The following FBXL17 variants were observed in gnomAD, a reference collection of about 807,000 sequenced individuals.
FBXL17 encodes F-box/LRR-repeat protein 17.
In FBXL17, 22 loss-of-function variants were observed where a neutral mutation model predicts 66.2. The observed-to-expected ratio is 0.33, with a 90% confidence interval of 0.24 to 0.47. The LOEUF is 0.47. Ranked by LOEUF, FBXL17 falls within the 20% of genes least tolerant of loss-of-function variation. The pLI, the probability that FBXL17 is intolerant of heterozygous loss-of-function variation, is 1.00. For missense variants in FBXL17, 878 were observed against 948.2 expected, an observed-to-expected ratio of 0.93 and a Z score of 0.97; for synonymous variants, 474 against 400.5, an observed-to-expected ratio of 1.18 and a Z score of -2.19.
intron 5 of FBXL17, among the ~76,000 whole-genome samples, chr5:108,222,421 A>G (rs1044091887): frequency 6.6e-6 from 1 of 152,192 alleles, no homozygotes; most frequent in Admixed American, 6.5e-5. Flanking sequence ...TAGGAAATGA[A>G]TTAAAAATTA....
chr5:108,160,163 A>G (rs914715124), intron 6 of FBXL17, among the ~76,000 whole-genome samples: 3 of 152,190 alleles, frequency 2.0e-5, no homozygotes, highest in African/African-American at 7.2e-5. Context: ...ATTTATGATG[A>G]GCCACAATGA....
intron 4 of FBXL17, among the ~76,000 whole-genome samples, chr5:108,249,323 G>C (rs1233894289): frequency 1.3e-5 from 2 of 152,010 alleles, no homozygotes; most frequent in Non-Finnish European, 2.9e-5. Flanking sequence ...AGACAAGCCA[G>C]GAATATATCT....
At chr5:108,205,599 G>C (rs1754083750) in intron 5 of FBXL17, among the ~76,000 whole-genome samples, 1 of 152,078 alleles carries the variant, frequency 6.6e-6, no homozygotes, top group Non-Finnish European at 1.5e-5. Flanking sequence ...TAGAGAAACT[G>C]GGTCATTTGC....
intron 7 of FBXL17, among the ~76,000 whole-genome samples, chr5:107,916,319 C>T (rs769685695): frequency 2.0e-5 from 3 of 152,180 alleles, no homozygotes; most frequent in Non-Finnish European, 4.4e-5. Flanking sequence ...TGGGAATGCT[C>T]TTTGTTGAGA....
rs751231341 is a variant in FBXL17 at position 108,278,176 on chromosome 5, C to T, written c.1507-53948G>A. Among the ~76,000 whole-genome samples the T allele has an allele frequency of 3.9e-5, 6 of 152,242 alleles. No homozygotes were observed. The South Asian group carries it at 6.2e-4, about 16-fold the overall frequency. On this transcript the variant is annotated intron_variant, in intron 4 of 8. Coordinates refer to ENST00000542267, the MANE Select transcript of FBXL17 (RefSeq NM_001163315.3). ...TTTCCCACAAGGGAATTATACAATC[C>T]GGGCCACCAGAGAACGCCCTGACCC...
intron 4 of FBXL17, among the ~76,000 whole-genome samples, chr5:108,259,955 T>C (rs1426621355): frequency 6.6e-6 from 1 of 151,672 alleles, no homozygotes; most frequent in Non-Finnish European, 1.5e-5. Flanking sequence ...TGTCCACTAC[T>C]GGCTTCCTCT....
intron 6 of FBXL17, among the ~76,000 whole-genome samples, chr5:108,116,665 A>T (rs6872068): frequency 0.14 from 20,832 of 151,498 alleles, 1,513 homozygotes; most frequent in Admixed American, 0.17. Context: ...TAATAATAAT[A>T]AAAAAATAAT....
intron 5 of FBXL17, among the ~76,000 whole-genome samples, chr5:108,187,599 C>T (rs1172180307): frequency 6.6e-6 from 1 of 152,124 alleles, no homozygotes; most frequent in African/African-American, 2.4e-5. Context: ...AGGAAGGGGC[C>T]AGGAGTCAAG....
At chr5:108,016,292 G>A (rs980356081) in intron 7 of FBXL17, among the ~76,000 whole-genome samples, 1 of 152,116 alleles carries the variant, frequency 6.6e-6, no homozygotes, top group African/African-American at 2.4e-5. Flanking sequence ...AGCAGTCCAC[G>A]GGTCTGTGGA....
intron 4 of FBXL17, among the ~76,000 whole-genome samples, chr5:108,333,878 TAGTG>T (rs1465641595): frequency 6.6e-6 from 1 of 152,172 alleles, no homozygotes; most frequent in Non-Finnish European, 1.5e-5. Flanking sequence ...CAAAATTACT[TAGTG>T]AGGTAACTTC....
rs1580942678 is a variant in FBXL17, at chr5:108,381,814, A to T, written c.-123T>A. ...CGGAGGGGTCGCCCTTCCTGCGCAC[A>T]CACACGCACACACGGGCACACACGC... On this transcript the variant is annotated 5_prime_UTR_variant, in exon 1 of 9. Transcript: ENST00000542267. The T allele has an allele frequency of 7.5e-7, 1 of 1,335,122 alleles. No individual in the cohort carries two copies. Among genetic ancestry groups the T allele is most frequent in the South Asian group, 1.8e-5 (1 of 54,570 alleles). The allele number at this position is 1,335,122 out of a possible 1,614,324, so 82.7% of individuals were successfully genotyped here. A position where few individuals can be genotyped will look rare whatever the true frequency, so the allele number is the denominator to read the frequency against.
At chr5:108,182,876 C>G (rs1388157264) in intron 6 of FBXL17, among the ~76,000 whole-genome samples, 1 of 152,046 alleles carries the variant, frequency 6.6e-6, no homozygotes, top group Non-Finnish European at 1.5e-5. Flanking sequence ...TGATACAAAC[C>G]TAAGCAAAAT....
chr5:107,914,227 A>G (rs1015763889), intron 7 of FBXL17, among the ~76,000 whole-genome samples: 5 of 152,138 alleles, frequency 3.3e-5, no homozygotes, highest in Non-Finnish European at 7.4e-5. Flanking sequence ...GGGTTACTAG[A>G]GTCATGGGGG....
chr5:108,181,741 A>G (rs550038664), intron 6 of FBXL17, among the ~76,000 whole-genome samples: 21 of 152,294 alleles, frequency 1.4e-4, no homozygotes, highest in South Asian at 4.1e-4. Context: ...TTAATATCTA[A>G]AAGTTCCATT....
chr5:108,230,502 T>C lies in FBXL17; in HGVS notation c.1507-6274A>G, dbSNP rs1388861458. 3.9e-5 allele frequency among the ~76,000 whole-genome samples: 6 copies of C among 152,236 alleles called. 1 individual carries two copies. In the East Asian group the frequency reaches 1.2e-3, roughly 29 times the overall value. ...AACAAACATCATATGTTCTCACTCA[T>C]AAGTGGGAGCTAAGCTATGAGGATG... On this transcript the variant is annotated intron_variant, in intron 4 of 8. Transcript: ENST00000542267.
At chr5:107,956,082 C>A (rs1002074771) in intron 7 of FBXL17, among the ~76,000 whole-genome samples, 1 of 152,110 alleles carries the variant, frequency 6.6e-6, no homozygotes, top group Non-Finnish European at 1.5e-5. Flanking sequence ...ATAAAACCAT[C>A]AAAAACATAA....
intron 7 of FBXL17, among the ~76,000 whole-genome samples, chr5:107,894,898 T>A (rs1749322748): frequency 6.6e-6 from 1 of 152,122 alleles, no homozygotes; most frequent in South Asian, 2.1e-4. Flanking sequence ...TTATGAAACC[T>A]TTAATAATTT....
chr5:108,342,804 C>G (rs1746977393), intron 4 of FBXL17, among the ~76,000 whole-genome samples: 1 of 152,038 alleles, frequency 6.6e-6, no homozygotes, highest in Admixed American at 6.6e-5. Context: ...TAAAAATACT[C>G]AATAAAAGAT....
chr5:108,139,469 G>A (rs1175211980), intron 6 of FBXL17, among the ~76,000 whole-genome samples: 2 of 152,128 alleles, frequency 1.3e-5, no homozygotes, highest in Admixed American at 1.3e-4. Context: ...TCTGCTGGAG[G>A]AAATACAACA....
Sources: allele counts gnomAD v4.1 joint callset (sites outside exome capture counted in the v4.1 genomes callset), GRCh38; gene constraint gnomAD v4.1.1; transcripts MANE v1.5; gene names NCBI Gene and HGNC (gene_info 2026-07-23, HGNC 2026-07-21).